ARHGAP15: variants seen among roughly 807,000 people sequenced by gnomAD.
ARHGAP15 encodes Rho GTPase activating protein 15.
Under a neutral mutation model 63.7 loss-of-function variants are expected in ARHGAP15, and 51 were observed. The observed-to-expected ratio is 0.80, with a 90% CI of 0.64 to 1.01. ARHGAP15 has a LOEUF of 1.01. Ranked by LOEUF, ARHGAP15 falls within the 50% of genes least tolerant of loss-of-function variation. The probability of loss-of-function intolerance (pLI) is 0.00; values close to 1 mark genes in which losing one functional copy is unlikely to be tolerated. For missense variants in ARHGAP15, 560 were observed against 564.6 expected (o/e 0.99, Z 0.08); for synonymous variants, 191 against 193.8 (o/e 0.99, Z 0.12).
chr2:143,458,872 A>G (rs1391108800), intron 8 of ARHGAP15, among the ~76,000 whole-genome samples: 1 of 152,166 alleles, frequency 6.6e-6, no homozygotes, highest in Non-Finnish European at 1.5e-5. Flanking sequence ...ATATGTAAAA[A>G]ATGGTAAACT....
At chr2:143,401,056 T>G (rs1687968913) in intron 6 of ARHGAP15, among the ~76,000 whole-genome samples, 1 of 152,028 alleles carries the variant, frequency 6.6e-6, no homozygotes, top group Admixed American at 6.6e-5. Flanking sequence ...TATAATATTC[T>G]GTTACCAGTG....
chr2:143,410,573 G>C (rs1688399360), intron 6 of ARHGAP15, among the ~76,000 whole-genome samples: 2 of 152,154 alleles, frequency 1.3e-5, no homozygotes, highest in South Asian at 4.1e-4. Flanking sequence ...TATGTGTCGA[G>C]CATTAAGATA....
At chr2:143,624,079 C>T (rs1698744756) in intron 11 of ARHGAP15, 54 bp from the exon 12 acceptor site, 1 of 1,596,532 alleles carries the variant, frequency 6.3e-7, no homozygotes, top group Admixed American at 1.7e-5. Context: ...TAATTAGTGT[C>T]TTGTAATTGT....
intron 8 of ARHGAP15, among the ~76,000 whole-genome samples, chr2:143,471,087 T>A (rs1691530381): frequency 6.7e-6 from 1 of 149,700 alleles, no homozygotes; most frequent in Admixed American, 6.6e-5. Context: ...TGTATAAATG[T>A]ATATGATACA....
rs1031584939 is a variant in ARHGAP15 at position 143,452,364 on chromosome 2, G to A, written c.703+15322G>A. On this transcript the variant is annotated intron_variant, in intron 8 of 13. Transcript: ENST00000295095. The stretch of plus-strand genomic sequence containing the variant: ...GATGGAGCAATCAATTAAATATTTA[G>A]GATGTGGAATACCTTCCGGGTTGGA... Among the ~76,000 whole-genome samples the A allele has an allele frequency of 6.6e-5, 10 of 152,030 alleles. No individual in the cohort carries two copies. The East Asian group carries it at 1.9e-3, about 29-fold the overall frequency.
rs1387717550 is a variant in ARHGAP15 at position 143,427,094 on chromosome 2, C to G, written c.475-8507C>G. 2.6e-5 allele frequency among the ~76,000 whole-genome samples: 4 copies of G among 152,274 alleles called. No individual in the cohort carries two copies. The South Asian group carries it at 8.3e-4, about 32-fold the overall frequency. On this transcript the variant is annotated intron_variant, in intron 6 of 13. Coordinates refer to ENST00000295095, the MANE Select transcript of ARHGAP15 (RefSeq NM_018460.4). The stretch of plus-strand genomic sequence containing the variant: ...TAAGTCTGTACAGCACTAAAGCTAA[C>G]AGGTGTTCTCATTAATGTAAGCAGA...
At chr2:143,751,492 A>G (rs1462629106) in intron 13 of ARHGAP15, among the ~76,000 whole-genome samples, 2 of 152,146 alleles carry the variant, frequency 1.3e-5, no homozygotes, top group Non-Finnish European at 2.9e-5. Context: ...TCATTTGAGA[A>G]GCAGCTCCCC....
At chr2:143,573,826 G>A (rs1031549928) in intron 11 of ARHGAP15, among the ~76,000 whole-genome samples, 3 of 152,030 alleles carry the variant, frequency 2.0e-5, no homozygotes, top group Admixed American at 6.6e-5. Context: ...TGTTGGAAAC[G>A]AGTGACAAAT....
intron 3 of ARHGAP15, among the ~76,000 whole-genome samples, chr2:143,212,842 A>T (rs570923180): frequency 6.6e-6 from 1 of 152,292 alleles, no homozygotes; most frequent in African/African-American, 2.4e-5. Flanking sequence ...AAACATGGTG[A>T]CGTATTTCAA....
intron 5 of ARHGAP15, among the ~76,000 whole-genome samples, chr2:143,241,062 A>G (rs1200910977): frequency 2.0e-5 from 3 of 152,244 alleles, no homozygotes; most frequent in Admixed American, 6.5e-5. Context: ...ATTTTGGCCA[A>G]TGAAATGCAT....
At chr2:143,466,113 C>G (rs1250498781) in intron 8 of ARHGAP15, among the ~76,000 whole-genome samples, 1 of 151,688 alleles carries the variant, frequency 6.6e-6, no homozygotes, top group Admixed American at 6.6e-5. Context: ...AGGGTGAGCT[C>G]GGGTCCCAGC....
intron 11 of ARHGAP15, among the ~76,000 whole-genome samples, chr2:143,622,297 G>A (rs981469523): frequency 7.2e-5 from 11 of 152,042 alleles, no homozygotes; most frequent in South Asian, 2.1e-4. Flanking sequence ...TAGTGGGTAG[G>A]GAGAAAATGA....
chr2:143,595,001 T>C (rs1238749150), intron 11 of ARHGAP15, among the ~76,000 whole-genome samples: 1 of 152,198 alleles, frequency 6.6e-6, no homozygotes, highest in Non-Finnish European at 1.5e-5. Context: ...GAGTGTCAAC[T>C]CTACCTTCAA....
At chr2:143,200,813 G>C (rs548105553) in intron 2 of ARHGAP15, among the ~76,000 whole-genome samples, 108 of 152,050 alleles carry the variant, frequency 7.1e-4, no homozygotes, top group African/African-American at 2.5e-3. Context: ...AGCACATCTG[G>C]TTACTAATAG....
At chr2:143,763,176 A>T (rs1686821775) in intron 13 of ARHGAP15, among the ~76,000 whole-genome samples, 1 of 152,140 alleles carries the variant, frequency 6.6e-6, no homozygotes, top group Non-Finnish European at 1.5e-5. Context: ...AAAATAGGTA[A>T]TAATTAGATG....
intron 6 of ARHGAP15, among the ~76,000 whole-genome samples, chr2:143,363,421 G>C (rs1358570020): frequency 6.6e-6 from 1 of 152,068 alleles, no homozygotes; most frequent in African/African-American, 2.4e-5. Context: ...CTTGAACCCG[G>C]GAGGTGGAGT....
chr2:143,420,675 CTT>C (rs1328550149), intron 6 of ARHGAP15, among the ~76,000 whole-genome samples: 1 of 152,122 alleles, frequency 6.6e-6, no homozygotes, highest in Non-Finnish European at 1.5e-5. Context: ...ATGACCCTGA[CTT>C]TTTGTGATTT....
intron 12 of ARHGAP15, among the ~76,000 whole-genome samples, chr2:143,702,478 T>A (rs1388336857): frequency 6.6e-6 from 1 of 152,172 alleles, no homozygotes; most frequent in Non-Finnish European, 1.5e-5. Context: ...AAGGATAACA[T>A]GGAAATAATT....
At chr2:143,301,630 G>C (rs1189925359) in intron 6 of ARHGAP15, among the ~76,000 whole-genome samples, 1 of 151,850 alleles carries the variant, frequency 6.6e-6, no homozygotes, top group African/African-American at 2.4e-5. Context: ...TGCTAATATA[G>C]CACCATTTCT....
Sources: gnomAD v4.1 joint callset for allele counts (sites outside exome capture counted in the v4.1 genomes callset) on GRCh38, gnomAD v4.1.1 for gene constraint, MANE v1.5 for transcripts, NCBI Gene and HGNC (gene_info 2026-07-23, HGNC 2026-07-21) for gene names.